USP15: variants seen among roughly 807,000 people sequenced by gnomAD.
USP15 encodes the protein ubiquitin carboxyl-terminal hydrolase 15.
A neutral mutation model predicts 127.1 loss-of-function variants in USP15; 18 were observed. The ratio of observed to expected loss-of-function variants is 0.14; its 90% CI spans 0.10 to 0.21. USP15 has a LOEUF of 0.21. USP15 is among the 10% of genes least tolerant of loss of function. The pLI is 1.00. For synonymous variants in USP15, 364 were observed against 393.7 expected (o/e 0.92, Z 0.89); for missense variants, 805 against 1,159.9 (o/e 0.69, Z 4.44).
chr12:62,355,659 A>G (rs967367603), intron 8 of USP15, among the ~76,000 whole-genome samples, 184 bp downstream of exon 8: 14 of 151,860 alleles, frequency 9.2e-5, no homozygotes, highest in Non-Finnish European at 1.3e-4. Flanking sequence ...ATGTTTCTCA[A>G]TTAGGTGACC....
rs879612016 is a variant in USP15, at chr12:62,275,402, C to CA, written c.89+14911dup. Among the ~76,000 whole-genome samples, 241 of 133,838 alleles carry CA rather than the reference C, an allele frequency of 1.8e-3. 1 individual carries two copies. Among genetic ancestry groups the CA allele is most frequent in the East Asian group, 5.6e-3 (26 of 4,684 alleles). 87.8% of individuals were successfully genotyped at this position (133,838 alleles called of 152,430 possible). A position where few individuals can be genotyped will look rare whatever the true frequency, so the allele number is the denominator to read the frequency against. On this transcript the variant is annotated intron_variant, in intron 1 of 21. Transcript: ENST00000280377. Reference sequence around the variant, plus strand: ...TTGGGAGGAGTATCACCCCCCCACCCAAAAAAAAAAAAGAATTACAGAGGC... The same window carrying CA: ...TTGGGAGGAGTATCACCCCCCCACCCAAAAAAAAAAAAAGAATTACAGAGGC...
At chr12:62,335,312 TG>T in intron 6 of USP15, 1 of 1,468,160 alleles carries the variant, frequency 6.8e-7, no homozygotes, top group Admixed American at 2.7e-5. Flanking sequence ...TTAGCTAGAT[TG>T]GACCATGTGT....
chr12:62,311,093 GA>G (rs2064665119), intron 3 of USP15, among the ~76,000 whole-genome samples: 1 of 149,802 alleles, frequency 6.7e-6, no homozygotes, highest in South Asian at 2.1e-4. Flanking sequence ...TTGAGTTGTT[GA>G]GTCCTTGTAT....
intron 4 of USP15, among the ~76,000 whole-genome samples, chr12:62,320,441 TC>T (rs1227358818): frequency 6.6e-6 from 1 of 152,210 alleles, no homozygotes; most frequent in Non-Finnish European, 1.5e-5. Flanking sequence ...AAACCTCTTT[TC>T]TTCATAAGTT....
chr12:62,388,922 A>G (rs567481644), intron 11 of USP15, among the ~76,000 whole-genome samples: 1 of 152,218 alleles, frequency 6.6e-6, no homozygotes, highest in East Asian at 1.9e-4. Context: ...TGAATCCAGG[A>G]TTTTGAGACC....
intron 6 of USP15, among the ~76,000 whole-genome samples, chr12:62,330,049 A>G (rs968785038): frequency 1.3e-5 from 2 of 152,332 alleles, no homozygotes; most frequent in African/African-American, 4.8e-5. Flanking sequence ...GGGAGTAACA[A>G]TGGTGAGATC....
intron 16 of USP15, 23 bp downstream of exon 16, chr12:62,391,452 T>A: frequency 6.3e-7 from 1 of 1,584,644 alleles, no homozygotes; most frequent in Non-Finnish European, 8.5e-7. Flanking sequence ...GAAAAATGGC[T>A]TGAACATTAA....
At chr12:62,393,283 TA>T in intron 19 of USP15, 81 bp downstream of exon 19, 1 of 1,511,436 alleles carries the variant, frequency 6.6e-7, no homozygotes. Flanking sequence ...TATCCTTTAG[TA>T]AACATCAGGT....
chr12:62,322,991 A>G (rs184648541), intron 5 of USP15, among the ~76,000 whole-genome samples: 34 of 152,324 alleles, frequency 2.2e-4, no homozygotes, highest in African/African-American at 6.5e-4. Flanking sequence ...TTAACCATCC[A>G]TATAATAAAA....
At chr12:62,390,798 G>T in intron 14 of USP15, 66 bp from the exon 15 acceptor site, 1 of 1,195,972 alleles carries the variant, frequency 8.4e-7, no homozygotes, top group South Asian at 1.5e-5. Context: ...ACTGATAGAA[G>T]GAAAACTTTT....
At chr12:62,283,393 A>G (rs1029426852) in intron 1 of USP15, among the ~76,000 whole-genome samples, 4 of 152,202 alleles carry the variant, frequency 2.6e-5, no homozygotes, top group African/African-American at 7.2e-5. Flanking sequence ...TCAAAAATCT[A>G]CCTAGTGGTG....
chr12:62,324,537 A>G (rs556858131), intron 5 of USP15, among the ~76,000 whole-genome samples: 44 of 152,106 alleles, frequency 2.9e-4, no homozygotes, highest in African/African-American at 1.0e-3. Flanking sequence ...GTAAATCTTC[A>G]TAAATTTATA....
In USP15 at chr12:62,302,652, C is replaced by T. The variant is rs986854628; in HGVS notation, c.218-138C>T. ...CAGAGAAACCCAAAAATTGGACACC[C>T]CTGATGTAAGGGAGCTGAATTGCTT... On this transcript the variant is annotated intron_variant, in intron 2 of 21. Transcript: ENST00000280377. The T allele has an allele frequency of 8.6e-6, 7 of 816,638 alleles. No homozygotes were observed. The Admixed American group carries it at 9.0e-5, about 11-fold the overall frequency. The allele number at this position is 816,638 out of a possible 1,614,324, so 50.6% of individuals were successfully genotyped here. A position where few individuals can be genotyped will look rare whatever the true frequency, so the allele number is the denominator to read the frequency against.
intron 7 of USP15, among the ~76,000 whole-genome samples, chr12:62,352,821 T>G (rs1247002160): frequency 8.2e-5 from 6 of 73,440 alleles, no homozygotes; most frequent in African/African-American, 3.4e-4. Flanking sequence ...AAAGGTAAGG[T>G]TCAATTTCAC....
intron 6 of USP15, chr12:62,327,644 C>A (rs777732484): frequency 4.6e-6 from 2 of 435,002 alleles, no homozygotes; most frequent in South Asian, 1.7e-5. Context: ...TTTATATTTT[C>A]TTTTATTCCC....
intron 11 of USP15, among the ~76,000 whole-genome samples, chr12:62,386,345 A>T (rs1464504179): frequency 6.6e-6 from 1 of 151,946 alleles, no homozygotes; most frequent in Admixed American, 6.6e-5. Context: ...GAAGCTTATT[A>T]GGAAAAATAT....
At chr12:62,392,506 G>C (rs2067355668) in intron 18 of USP15, 119 bp downstream of exon 18, 3 of 697,578 alleles carry the variant, frequency 4.3e-6, no homozygotes, top group Non-Finnish European at 6.9e-6. Context: ...AATAGTAAAG[G>C]ATTCTTTATA....
At chr12:62,362,691 T>G (rs891130673) in intron 8 of USP15, among the ~76,000 whole-genome samples, 2 of 152,164 alleles carry the variant, frequency 1.3e-5, no homozygotes, top group African/African-American at 4.8e-5. Context: ...TGAAGGTCTA[T>G]TAGGTGACTC....
chr12:62,329,595 A>G (rs972002978), intron 6 of USP15, among the ~76,000 whole-genome samples: 1 of 152,190 alleles, frequency 6.6e-6, no homozygotes, highest in African/African-American at 2.4e-5. Context: ...CTAAAAGTTA[A>G]CAGAAACAAA....
Sources: allele counts gnomAD v4.1 joint callset (sites outside exome capture counted in the v4.1 genomes callset), GRCh38; gene constraint gnomAD v4.1.1; transcripts MANE v1.5; gene names NCBI Gene and HGNC (gene_info 2026-07-23, HGNC 2026-07-21).